The following CACNB4 variants were observed in gnomAD, a reference collection of about 807,000 sequenced individuals.
CACNB4 encodes voltage-dependent L-type calcium channel subunit beta-4.
In CACNB4, 32 loss-of-function variants were observed where a neutral mutation model predicts 71.2. The ratio of observed to expected loss-of-function variants is 0.45; its 90% CI spans 0.34 to 0.60. The LOEUF (loss-of-function observed/expected upper bound fraction) is 0.60, where lower values mean the gene tolerates loss of function less well. CACNB4 is among the 20% of genes least tolerant of loss of function. The probability of loss-of-function intolerance (pLI) is 0.01; values close to 1 mark genes in which losing one functional copy is unlikely to be tolerated. For missense variants in CACNB4, 464 were observed against 647.9 expected, an observed-to-expected ratio of 0.72 and a Z score of 3.08; for synonymous variants, 231 against 236.9, an observed-to-expected ratio of 0.97 and a Z score of 0.23.
At chr2:152,019,962 G>T (rs1050167792) in intron 2 of CACNB4, among the ~76,000 whole-genome samples, 1 of 152,208 alleles carries the variant, frequency 6.6e-6, no homozygotes, top group Non-Finnish European at 1.5e-5. Flanking sequence ...CAGTCAGAAT[G>T]AGAGTGAGAG....
At chr2:152,026,479 G>T (rs1182665757) in intron 2 of CACNB4, among the ~76,000 whole-genome samples, 1 of 151,786 alleles carries the variant, frequency 6.6e-6, no homozygotes, top group East Asian at 1.9e-4. Context: ...CTGCCTCCTG[G>T]GCTCAAGCGA....
At chr2:152,077,177 T>C (rs909026685) in intron 2 of CACNB4, among the ~76,000 whole-genome samples, 16 of 152,154 alleles carry the variant, frequency 1.1e-4, no homozygotes, top group Non-Finnish European at 1.8e-4. Context: ...TCCCAGCACT[T>C]TGGGAGGCCG....
At chr2:152,070,991 T>C (rs1218391218) in intron 2 of CACNB4, among the ~76,000 whole-genome samples, 1 of 152,216 alleles carries the variant, frequency 6.6e-6, no homozygotes, top group Non-Finnish European at 1.5e-5. Context: ...GGTCTCAAAC[T>C]CCTGACCTCA....
At chr2:151,840,417 T>G (rs1468418980) in intron 13 of CACNB4, among the ~76,000 whole-genome samples, 1 of 152,222 alleles carries the variant, frequency 6.6e-6, no homozygotes, top group Non-Finnish European at 1.5e-5. Context: ...GAGTCAAGAT[T>G]GTTGTATTCA....
At chr2:151,879,176 C>G (rs1286428391) in intron 4 of CACNB4, among the ~76,000 whole-genome samples, 1 of 152,164 alleles carries the variant, frequency 6.6e-6, no homozygotes, top group Non-Finnish European at 1.5e-5. Flanking sequence ...AAGTTACTTC[C>G]TGAAATGAAG....
chr2:152,066,713 T>G (rs372582591), intron 2 of CACNB4, among the ~76,000 whole-genome samples: 1 of 149,416 alleles, frequency 6.7e-6, no homozygotes, highest in Non-Finnish European at 1.5e-5. Flanking sequence ...ATTGTGGCAT[T>G]ATTCGCAATA....
chr2:151,890,511 C>T (rs1286886866), intron 2 of CACNB4, among the ~76,000 whole-genome samples: 1 of 152,206 alleles, frequency 6.6e-6, no homozygotes, highest in Non-Finnish European at 1.5e-5. Flanking sequence ...CATCCTCACA[C>T]ACCATTCCAC....
In CACNB4 at chr2:151,835,335, A is replaced by T. The variant is rs975827999; in HGVS notation, c.*3784T>A. ...CCAAACAGCATTTTGGAAACAGTTT[A>T]AAATCTAAAGGGAAGGCATATTTTA... is the stretch of plus-strand genomic sequence containing the variant. On this transcript the variant is annotated 3_prime_UTR_variant, in exon 14 of 14. Transcript: ENST00000539935. The T allele has an allele frequency of 1.3e-5, 2 of 151,966 alleles. No individual in the cohort carries two copies. Among genetic ancestry groups the T allele is most frequent in the Admixed American group, 1.3e-4 (2 of 15,252 alleles). The allele number at this position is 151,966 out of a possible 1,614,324, so 9.4% of individuals were successfully genotyped here. A position where few individuals can be genotyped will look rare whatever the true frequency, so the allele number is the denominator to read the frequency against.
At chr2:152,062,335 C>G (rs1249051398) in intron 2 of CACNB4, among the ~76,000 whole-genome samples, 3 of 152,140 alleles carry the variant, frequency 2.0e-5, no homozygotes, top group African/African-American at 7.2e-5. Flanking sequence ...CCAGTCACAC[C>G]ACTGAGTTGA....
At chr2:151,998,434 T>C (rs1682199948) in intron 2 of CACNB4, among the ~76,000 whole-genome samples, 1 of 152,200 alleles carries the variant, frequency 6.6e-6, no homozygotes, top group Non-Finnish European at 1.5e-5. Flanking sequence ...TTTTGGTTCC[T>C]TACTCTGCTA....
chr2:151,900,141 T>G (rs2099853016), intron 2 of CACNB4, among the ~76,000 whole-genome samples: 1 of 152,174 alleles, frequency 6.6e-6, no homozygotes, highest in Non-Finnish European at 1.5e-5. Context: ...TTTGGACAAC[T>G]CTGTAGTCAG....
chr2:152,018,681 T>C (rs1484190736), intron 2 of CACNB4, among the ~76,000 whole-genome samples: 1 of 151,980 alleles, frequency 6.6e-6, no homozygotes, highest in Non-Finnish European at 1.5e-5. Flanking sequence ...CAAGCACCTG[T>C]AGTCCTAGCT....
intron 7 of CACNB4, 23 bp downstream of exon 7, chr2:151,870,819 T>C (rs985329918): frequency 1.3e-6 from 2 of 1,588,440 alleles, no homozygotes; most frequent in Non-Finnish European, 1.7e-6. Context: ...TAACAGTAGA[T>C]TTAAAAAGGA....
chr2:151,959,510 C>G (rs1191199691), intron 2 of CACNB4, among the ~76,000 whole-genome samples: 1 of 152,170 alleles, frequency 6.6e-6, no homozygotes, highest in Non-Finnish European at 1.5e-5. Flanking sequence ...TGAAAGCCAG[C>G]TTCTCTATGT....
chr2:152,055,587 C>T (rs974083006), intron 2 of CACNB4, among the ~76,000 whole-genome samples: 2 of 152,182 alleles, frequency 1.3e-5, no homozygotes, highest in African/African-American at 4.8e-5. Context: ...TGGATTTGCA[C>T]ACCCCACTGA....
chr2:152,010,450 A>G (rs553989312), intron 2 of CACNB4, among the ~76,000 whole-genome samples: 2 of 152,240 alleles, frequency 1.3e-5, no homozygotes, highest in Non-Finnish European at 2.9e-5. Context: ...CAAAGCTGAC[A>G]TAATATTATA....
chr2:152,027,940 C>T (rs1684071226), intron 2 of CACNB4, among the ~76,000 whole-genome samples: 1 of 151,552 alleles, frequency 6.6e-6, no homozygotes, highest in African/African-American at 2.4e-5. Context: ...GCCTGCCCAG[C>T]TCTCCTCAGA....
chr2:152,009,525 G>T (rs1212249524), intron 2 of CACNB4, among the ~76,000 whole-genome samples: 5 of 152,136 alleles, frequency 3.3e-5, no homozygotes, highest in Admixed American at 2.6e-4. Context: ...TCGGTGCAGG[G>T]TATAGAGGAA....
chr2:151,987,715 T>C (rs574536204), intron 2 of CACNB4, among the ~76,000 whole-genome samples: 81 of 152,350 alleles, frequency 5.3e-4, no homozygotes, highest in African/African-American at 1.9e-3. Context: ...TCATTTTATT[T>C]TATTTTTCTA....
Sources: allele counts gnomAD v4.1 joint callset (sites outside exome capture counted in the v4.1 genomes callset), GRCh38; gene constraint gnomAD v4.1.1; transcripts MANE v1.5; gene names NCBI Gene and HGNC (gene_info 2026-07-23, HGNC 2026-07-21).